The following RALGAPA2 variants were observed in gnomAD, a reference collection of about 807,000 sequenced individuals.
RALGAPA2 encodes Ral GTPase activating protein catalytic subunit alpha 2, also known as ral GTPase-activating protein subunit alpha-2.
RALGAPA2 carries 139 observed loss-of-function variants against 230.4 expected under a neutral mutation model. The ratio of observed to expected loss-of-function variants is 0.60; its 90% CI spans 0.53 to 0.69. The LOEUF (loss-of-function observed/expected upper bound fraction) is 0.69, where lower values mean the gene tolerates loss of function less well. Ranked by LOEUF, RALGAPA2 falls within the 30% of genes least tolerant of loss-of-function variation. The pLI is 0.00. For synonymous variants in RALGAPA2, 847 were observed against 837.8 expected (o/e 1.01, Z -0.19); for missense variants, 2,163 against 2,276.0 (o/e 0.95, Z 1.01).
intron 18 of RALGAPA2, among the ~76,000 whole-genome samples, chr20:20,585,866 T>A (rs2146047518): frequency 6.6e-6 from 1 of 150,930 alleles, no homozygotes; most frequent in South Asian, 2.1e-4. Context: ...AGATGTAGAG[T>A]TAAAAGAAAA....
Position 20,475,899 on chromosome 20 carries a change from C to T in RALGAPA2, c.5368-2943G>A, listed in dbSNP as rs1208091486. 3.3e-5 allele frequency among the ~76,000 whole-genome samples: 5 copies of T among 152,174 alleles called. No individual in the cohort carries two copies. In the South Asian group the frequency reaches 8.3e-4, roughly 25 times the overall value. On this transcript the variant is annotated intron_variant, in intron 36 of 39. Transcript: ENST00000202677. ...AATTAGTGAGTGAATTTTGATAAGC[C>T]TCAGAAAACAATATACTCCTCAAAT... is the stretch of plus-strand genomic sequence containing the variant.
rs191984431 is a variant in RALGAPA2 at position 20,585,998 on chromosome 20, A to G, written c.2440-1043T>C. ...AATATTTAGAAGATTTAGAGGATTAACACTATATGAAAAAACTATTACACA... is the reference window on the plus strand; with the variant it reads ...AATATTTAGAAGATTTAGAGGATTAGCACTATATGAAAAAACTATTACACA... On this transcript the variant is annotated intron_variant, in intron 18 of 39. Transcript: ENST00000202677. Among the ~76,000 whole-genome samples the G allele has an allele frequency of 8.9e-4, 135 of 152,358 alleles. 2 individuals carry two copies. The highest frequency in any genetic ancestry group is 1.5e-3 in the Non-Finnish European group (102 of 68,030).
At chr20:20,694,477 T>G (rs547273868) in intron 1 of RALGAPA2, among the ~76,000 whole-genome samples, 1 of 152,288 alleles carries the variant, frequency 6.6e-6, no homozygotes, top group East Asian at 1.9e-4. Context: ...GCCTCCAATA[T>G]TGTCATCTCT....
rs1246043511 is a variant in RALGAPA2 at position 20,472,872 on chromosome 20, C to T, written c.5452G>A (p.Ala1818Thr). ...PSLVCATCIN[A>T]SRAVKCLIPL... ...ATGAGGCACTTCACAGCCCTGCTGG[C>T]GTTGATGCACGTGGCACATACAAGG... The change falls in exon 37 of 40, where the codon GCC (alanine) becomes ACC (threonine). Residue 1818 changes from alanine (A) to threonine (T), a missense_variant. Physicochemically the swap from Ala to Thr is moderately conservative, Grantham distance 58 (BLOSUM62 0). Coordinates refer to ENST00000202677, the MANE Select transcript of RALGAPA2 (RefSeq NM_020343.4). 6.2e-6 allele frequency: 10 copies of T among 1,613,498 alleles called. No homozygotes were observed. The highest frequency in any genetic ancestry group is 1.3e-5 in the African/African-American group (1 of 74,904).
chr20:20,711,076 T>C (rs1486810195), intron 1 of RALGAPA2, among the ~76,000 whole-genome samples: 5 of 152,210 alleles, frequency 3.3e-5, no homozygotes, highest in African/African-American at 1.2e-4. Flanking sequence ...CGAATCCCTG[T>C]AACAGCAACT....
intron 36 of RALGAPA2, among the ~76,000 whole-genome samples, chr20:20,481,693 C>A (rs1448677271): frequency 6.6e-6 from 1 of 152,206 alleles, no homozygotes; most frequent in Non-Finnish European, 1.5e-5. Context: ...ATATAAAAAG[C>A]ATCTGCATAC....
intron 38 of RALGAPA2, 95 bp downstream of exon 38, chr20:20,411,932 T>C (rs2060068566): frequency 6.7e-7 from 1 of 1,487,570 alleles, no homozygotes; most frequent in African/African-American, 1.4e-5. Flanking sequence ...ATGCTCTTCT[T>C]AAATTTGCAA....
chr20:20,512,223 C>CCCCACACA (rs2062727247), intron 32 of RALGAPA2, among the ~76,000 whole-genome samples: 2 of 135,722 alleles, frequency 1.5e-5, no homozygotes, highest in South Asian at 4.6e-4. Flanking sequence ...ACAACCCCCC[C>CCCCACACA]TACACACACA....
rs2064265511 is a variant in RALGAPA2 at position 20,561,838 on chromosome 20, C to T, written c.3156+9620G>A. 2.0e-5 allele frequency among the ~76,000 whole-genome samples: 3 copies of T among 152,188 alleles called. No homozygotes were observed. In the South Asian group the frequency reaches 6.2e-4, roughly 31 times the overall value. On this transcript the variant is annotated intron_variant, in intron 23 of 39. Transcript: ENST00000202677. ...GGTTTCTCAACCTCAGCAGTACTGA[C>T]ATTTTTGGTCATAAATTCTTTGTTG...
chr20:20,516,794 C>T (rs149659326), intron 31 of RALGAPA2, among the ~76,000 whole-genome samples: 7 of 152,286 alleles, frequency 4.6e-5, no homozygotes, highest in African/African-American at 1.4e-4. Flanking sequence ...ATAGCAGTCA[C>T]GGTAGTCTGG....
At chr20:20,467,377 T>C (rs1272654864) in intron 37 of RALGAPA2, among the ~76,000 whole-genome samples, 1 of 152,228 alleles carries the variant, frequency 6.6e-6, no homozygotes, top group Non-Finnish European at 1.5e-5. Context: ...TTACAAAGGA[T>C]CCATGCAACA....
At chr20:20,662,475 T>C (rs530079254) in intron 3 of RALGAPA2, among the ~76,000 whole-genome samples, 5 of 152,076 alleles carry the variant, frequency 3.3e-5, no homozygotes, top group Middle Eastern at 3.4e-3. Flanking sequence ...AAGAACTAAG[T>C]TTTAAACTCA....
intron 18 of RALGAPA2, among the ~76,000 whole-genome samples, chr20:20,588,132 G>C (rs1279069622): frequency 6.6e-6 from 1 of 152,024 alleles, no homozygotes; most frequent in Non-Finnish European, 1.5e-5. Flanking sequence ...AGCCATCATA[G>C]AGAAAACATT....
rs542791081 is a variant in RALGAPA2, at chr20:20,402,345, T to C, written c.5618-5611A>G. ...AAGAGTAAAAAAAGCTAGGGAGCCT[T>C]GCCTCCCATCCTTGCCCTTCTGTGT... On this transcript the variant is annotated intron_variant, in intron 38 of 39. Transcript: ENST00000202677. Among the ~76,000 whole-genome samples the C allele has an allele frequency of 2.6e-5, 4 of 152,368 alleles. No homozygotes were observed. In the East Asian group the frequency reaches 5.8e-4, roughly 22 times the overall value.
intron 36 of RALGAPA2, among the ~76,000 whole-genome samples, chr20:20,488,360 A>G (rs2061967169): frequency 6.6e-6 from 1 of 152,204 alleles, no homozygotes; most frequent in Admixed American, 6.5e-5. Context: ...ACTTGACTCT[A>G]TTTAACTCTC....
chr20:20,684,528 A>T (rs1314490317), intron 1 of RALGAPA2, among the ~76,000 whole-genome samples: 1 of 152,192 alleles, frequency 6.6e-6, no homozygotes, highest in Non-Finnish European at 1.5e-5. Flanking sequence ...TCTTGTGGAT[A>T]AGGCATTGGT....
intron 36 of RALGAPA2, among the ~76,000 whole-genome samples, chr20:20,480,894 C>G (rs1312492874): frequency 6.6e-6 from 1 of 152,130 alleles, no homozygotes; most frequent in Non-Finnish European, 1.5e-5. Flanking sequence ...TGACCAAAGC[C>G]TGGGGATTAA....
chr20:20,613,407 C>A (rs542722595), intron 13 of RALGAPA2, among the ~76,000 whole-genome samples: 1 of 152,318 alleles, frequency 6.6e-6, no homozygotes, highest in East Asian at 1.9e-4. Flanking sequence ...TATTTCAGGA[C>A]CATTTCTTAC....
At chr20:20,636,565 T>TGG (rs2066867653) in intron 8 of RALGAPA2, among the ~76,000 whole-genome samples, 1 of 151,964 alleles carries the variant, frequency 6.6e-6, no homozygotes, top group African/African-American at 2.4e-5. Context: ...TGTATGTGTG[T>TGG]GTGTGTGTGT....
Sources: gnomAD v4.1 joint callset for allele counts (sites outside exome capture counted in the v4.1 genomes callset) on GRCh38, gnomAD v4.1.1 for gene constraint, MANE v1.5 for transcripts, NCBI Gene and HGNC (gene_info 2026-07-23, HGNC 2026-07-21) for gene names.